Variants in SLC16A10 observed in about 807,000 individuals in gnomAD.
The protein encoded by SLC16A10 is monocarboxylate transporter 10.
A neutral mutation model predicts 40.0 loss-of-function variants in SLC16A10; 27 were observed. The ratio of observed to expected loss-of-function variants is 0.67; its 90% CI spans 0.50 to 0.93. The LOEUF is 0.93. Ranked by LOEUF, SLC16A10 falls within the 40% of genes least tolerant of loss-of-function variation. The pLI is 0.00. For synonymous variants in SLC16A10, 213 were observed against 249.8 expected (o/e 0.85, Z 1.39); for missense variants, 529 against 658.2 (o/e 0.80, Z 2.15).
At chr6:111,173,630 A>G (rs541410280) in intron 2 of SLC16A10, 2 of 152,242 alleles carry the variant, frequency 1.3e-5, no homozygotes, top group African/African-American at 4.8e-5. Flanking sequence ...AGATTCTTCT[A>G]GGAGTGCAAA....
chr6:111,156,059 C>G (rs1402635839), intron 1 of SLC16A10, among the ~76,000 whole-genome samples: 1 of 152,084 alleles, frequency 6.6e-6, no homozygotes, highest in East Asian at 1.9e-4. Context: ...CAAAGGGTCA[C>G]AGGAGCCATG....
intron 1 of SLC16A10, among the ~76,000 whole-genome samples, chr6:111,100,972 C>T (rs1156498607): frequency 1.6e-5 from 2 of 122,234 alleles, no homozygotes; most frequent in African/African-American, 6.8e-5. Context: ...CTCTCTCTCT[C>T]TCTCTCTCTC....
intron 1 of SLC16A10, among the ~76,000 whole-genome samples, chr6:111,157,101 T>G (rs1309265302): frequency 6.6e-6 from 1 of 151,204 alleles, no homozygotes; most frequent in Non-Finnish European, 1.5e-5. Context: ...ATATTTTTAG[T>G]AGAGATGGGG....
At chr6:111,099,033 G>A (rs957040564) in intron 1 of SLC16A10, among the ~76,000 whole-genome samples, 1 of 152,136 alleles carries the variant, frequency 6.6e-6, no homozygotes, top group Non-Finnish European at 1.5e-5. Flanking sequence ...ACTGAAAAAA[G>A]GATCTGATTT....
At chr6:111,134,083 G>A (rs1562407782) in intron 1 of SLC16A10, among the ~76,000 whole-genome samples, 1 of 152,154 alleles carries the variant, frequency 6.6e-6, no homozygotes, top group Non-Finnish European at 1.5e-5. Flanking sequence ...GCAATCTCTG[G>A]TATCTCAGTC....
chr6:111,134,389 A>G (rs1771839946), intron 1 of SLC16A10, among the ~76,000 whole-genome samples: 1 of 152,216 alleles, frequency 6.6e-6, no homozygotes, highest in Non-Finnish European at 1.5e-5. Context: ...TTGAAGGCCA[A>G]CTAATCTTAA....
rs1770964294 is a variant in SLC16A10 at position 111,224,989 on chromosome 6, AG to A, written c.*2755del. 1 of 152,230 alleles carries A rather than the reference AG, an allele frequency of 6.6e-6. No homozygotes were observed. 9.4% of individuals were successfully genotyped at this position (152,230 alleles called of 1,614,324 possible). On this transcript the variant is annotated 3_prime_UTR_variant, in exon 6 of 6. Coordinates refer to ENST00000368851, the MANE Select transcript of SLC16A10 (RefSeq NM_018593.5). ...GGTTCTGGCATTTGAGGCCAAAAAA[AG>A]CATGAAAGGGAGTAACATTCCTTTT... is the stretch of plus-strand genomic sequence containing the variant.
chr6:111,214,657 A>G (rs970711687), intron 4 of SLC16A10, among the ~76,000 whole-genome samples: 2 of 152,246 alleles, frequency 1.3e-5, no homozygotes, highest in Admixed American at 6.5e-5. Flanking sequence ...TCTGAGAAGT[A>G]CTTAAAGAAT....
At chr6:111,095,907 A>G (rs1362310707) in intron 1 of SLC16A10, among the ~76,000 whole-genome samples, 2 of 152,212 alleles carry the variant, frequency 1.3e-5, no homozygotes, top group African/African-American at 4.8e-5. Context: ...TCTTCATAAC[A>G]CTATGAAAAT....
chr6:111,178,822 T>A (rs1772739070), intron 3 of SLC16A10: 1 of 186,004 alleles, frequency 5.4e-6, no homozygotes, highest in Non-Finnish European at 1.1e-5. Context: ...ATTTACGGAC[T>A]ATCAGGCTAC....
At chr6:111,168,019 G>T (rs1772510210) in intron 1 of SLC16A10, among the ~76,000 whole-genome samples, 1 of 149,372 alleles carries the variant, frequency 6.7e-6, no homozygotes, top group Non-Finnish European at 1.5e-5. Flanking sequence ...TTACTCTCTT[G>T]CCCAGGCTGG....
intron 3 of SLC16A10, among the ~76,000 whole-genome samples, chr6:111,201,015 AT>A (rs754304351): frequency 2.6e-5 from 4 of 152,210 alleles, no homozygotes; most frequent in Non-Finnish European, 4.4e-5. Context: ...ATTGCTGTAA[AT>A]ATTATGTAGC....
At chr6:111,138,248 G>A (rs1771917526) in intron 1 of SLC16A10, among the ~76,000 whole-genome samples, 1 of 152,216 alleles carries the variant, frequency 6.6e-6, no homozygotes, top group Admixed American at 6.5e-5. Flanking sequence ...GAGTTGGAAT[G>A]AATAAATAAG....
chr6:111,121,513 A>G (rs1427026668), intron 1 of SLC16A10, among the ~76,000 whole-genome samples: 1 of 152,202 alleles, frequency 6.6e-6, no homozygotes, highest in Non-Finnish European at 1.5e-5. Flanking sequence ...GTCAGCTCTG[A>G]TTATGCCACT....
intron 1 of SLC16A10, among the ~76,000 whole-genome samples, chr6:111,150,597 A>G (rs1327303779): frequency 2.0e-5 from 3 of 152,362 alleles, no homozygotes; most frequent in Non-Finnish European, 2.9e-5. Context: ...AGGCTTTGCC[A>G]TAAACTTGTG....
At chr6:111,103,560 C>T (rs1250827469) in intron 1 of SLC16A10, among the ~76,000 whole-genome samples, 1 of 152,052 alleles carries the variant, frequency 6.6e-6, no homozygotes, top group Non-Finnish European at 1.5e-5. Flanking sequence ...CTGAGAGCCA[C>T]GCAAGAAACA....
At chr6:111,094,650 T>G (rs941535944) in intron 1 of SLC16A10, among the ~76,000 whole-genome samples, 1 of 152,226 alleles carries the variant, frequency 6.6e-6, no homozygotes, top group Non-Finnish European at 1.5e-5. Context: ...TTTTATTTTA[T>G]TTTTTGGGAT....
chr6:111,131,325 T>C (rs1771778693), intron 1 of SLC16A10, among the ~76,000 whole-genome samples: 1 of 152,216 alleles, frequency 6.6e-6, no homozygotes, highest in Non-Finnish European at 1.5e-5. Flanking sequence ...TTGAGCTGAA[T>C]AGAGCTGTAA....
chr6:111,230,935 A>G lies in SLC16A10; in HGVS notation c.*8700A>G, dbSNP rs1771106080. The G allele has an allele frequency of 6.6e-6, 1 of 152,164 alleles. No homozygotes were observed. The highest frequency in any genetic ancestry group is 1.5e-5 in the Non-Finnish European group (1 of 68,032). 9.4% of individuals were successfully genotyped at this position (152,164 alleles called of 1,614,324 possible). A position where few individuals can be genotyped will look rare whatever the true frequency, so the allele number is the denominator to read the frequency against. ...ACCCTGGGGCCATTTTTGGCACAAT[A>G]GTTGTTCAAATGTAGATCACTATGC... On this transcript the variant is annotated 3_prime_UTR_variant, in exon 6 of 6. Transcript: ENST00000368851.
Sources: gnomAD v4.1 joint callset for allele counts (sites outside exome capture counted in the v4.1 genomes callset) on GRCh38, gnomAD v4.1.1 for gene constraint, MANE v1.5 for transcripts, NCBI Gene and HGNC (gene_info 2026-07-23, HGNC 2026-07-21) for gene names.